Variants in USP34 observed in about 807,000 individuals in gnomAD.
The protein encoded by USP34 is ubiquitin carboxyl-terminal hydrolase 34.
USP34 carries 70 observed loss-of-function variants against 460.3 expected under a neutral mutation model. That is an observed-to-expected ratio of 0.15 (90% CI 0.13 to 0.19). The LOEUF is 0.19. Among genes scored for constraint, USP34 ranks in the 10% least tolerant of loss-of-function variants. USP34 has a pLI of 1.00. For missense variants in USP34, 3,985 were observed against 4,236.2 expected (o/e 0.94, Z 1.65); for synonymous variants, 1,647 against 1,405.3 (o/e 1.17, Z -3.85).
chr2:61,470,776 G>C lies in USP34; in HGVS notation c.-84C>G. On this transcript the variant is annotated 5_prime_UTR_variant, in exon 1 of 80. Coordinates refer to ENST00000398571, the MANE Select transcript of USP34 (RefSeq NM_014709.4). ...GCGGGGGGGAGGGGAGAGAGGCGGAGGAGGGGGCCGGCCGGCCGGCGGGGC... is the reference window on the plus strand; with the variant it reads ...GCGGGGGGGAGGGGAGAGAGGCGGACGAGGGGGCCGGCCGGCCGGCGGGGC... The C allele has an allele frequency of 1.6e-6, 2 of 1,260,982 alleles. No individual in the cohort carries two copies. The highest frequency in any genetic ancestry group is 2.2e-6 in the Non-Finnish European group (2 of 896,544). 78.1% of individuals were successfully genotyped at this position (1,260,982 alleles called of 1,614,324 possible).
At chr2:61,378,723 A>G (rs936307612) in intron 7 of USP34, among the ~76,000 whole-genome samples, 2 of 151,768 alleles carry the variant, frequency 1.3e-5, no homozygotes, top group Admixed American at 6.6e-5. Flanking sequence ...CCTTACCAAC[A>G]CAGTAAATCT....
Position 61,348,087 on chromosome 2 carries a change from G to T in USP34, c.2068C>A (p.Arg690=). 1 of 1,614,142 alleles carries T rather than the reference G, an allele frequency of 6.2e-7. No individual in the cohort carries two copies. Among genetic ancestry groups the T allele is most frequent in the Non-Finnish European group, 8.5e-7 (1 of 1,180,016 alleles). ...ESLPSVDNRM[R]MLDACSHSED... is the part of the protein sequence containing the mutation. ...GAGTGTGAACAAGCATCCAGCATTC[G>T]CATTCGATTATCTACTGATGGCAAT... Residue 690 remains arginine (R), a synonymous_variant, in exon 15 of 80, where the codon CGA becomes AGA. Transcript: ENST00000398571.
intron 76 of USP34, 188 bp from the exon 77 acceptor site, chr2:61,190,846 G>T: frequency 1.7e-6 from 1 of 597,590 alleles, no homozygotes; most frequent in Non-Finnish European, 2.7e-6. Context: ...TTTTCATACA[G>T]TAAAATGTTA....
chr2:61,380,784 G>T (rs1692945545), intron 6 of USP34, among the ~76,000 whole-genome samples: 1 of 152,138 alleles, frequency 6.6e-6, no homozygotes, highest in African/African-American at 2.4e-5. Context: ...TCTCTTGCTG[G>T]GAACTCTAAT....
intron 10 of USP34, among the ~76,000 whole-genome samples, chr2:61,364,692 G>A (rs1289916147): frequency 6.6e-6 from 1 of 152,138 alleles, no homozygotes; most frequent in African/African-American, 2.4e-5. Context: ...ACTTTGGGAG[G>A]TCGAGACAGG....
chr2:61,352,335 T>C (rs1204751164), intron 10 of USP34, among the ~76,000 whole-genome samples: 1 of 151,860 alleles, frequency 6.6e-6, no homozygotes, highest in African/African-American at 2.4e-5. Flanking sequence ...ATGTATATAC[T>C]AAACTATACA....
At chr2:61,394,732 A>G in intron 5 of USP34, 121 bp downstream of exon 5, 1 of 737,818 alleles carries the variant, frequency 1.4e-6, no homozygotes, top group Non-Finnish European at 2.0e-6. Context: ...CATTTTGTCA[A>G]AATAAAAAAA....
chr2:61,229,706 C>T, intron 58 of USP34, 73 bp from the exon 59 acceptor site: 2 of 1,305,766 alleles, frequency 1.5e-6, no homozygotes, highest in South Asian at 1.3e-5. Context: ...TAACATGATT[C>T]AAAATTCTCT....
At chr2:61,381,285 C>A (rs778151) in intron 6 of USP34, among the ~76,000 whole-genome samples, 75,171 of 148,250 alleles carry the variant, frequency 0.51, 19,138 homozygotes, top group South Asian at 0.72. Context: ...CACACACACA[C>A]AAAACTACCT....
At chr2:61,264,363 G>C (rs1383202889) in intron 43 of USP34, among the ~76,000 whole-genome samples, 1 of 152,148 alleles carries the variant, frequency 6.6e-6, no homozygotes, top group Non-Finnish European at 1.5e-5. Context: ...GGCCAGGCTT[G>C]GTAGCTTTAT....
chr2:61,306,525 T>C (rs1458390677), intron 27 of USP34, among the ~76,000 whole-genome samples: 1 of 152,216 alleles, frequency 6.6e-6, no homozygotes. Context: ...CTTTGTTCTT[T>C]TGGCTTAGGA....
At chr2:61,418,247 T>C (rs1250731995) in intron 2 of USP34, among the ~76,000 whole-genome samples, 1 of 151,860 alleles carries the variant, frequency 6.6e-6, no homozygotes, top group Non-Finnish European at 1.5e-5. Flanking sequence ...GCCTGGCTAA[T>C]TTTTGTATTT....
intron 43 of USP34, among the ~76,000 whole-genome samples, chr2:61,262,112 A>T (rs372179245): frequency 0.015 from 1,207 of 81,790 alleles, 9 homozygotes; most frequent in South Asian, 0.057. Flanking sequence ...AAAAAAAAAA[A>T]AAAAATATAT....
intron 1 of USP34, among the ~76,000 whole-genome samples, chr2:61,441,115 G>A (rs1351275235): frequency 6.7e-6 from 1 of 149,350 alleles, no homozygotes; most frequent in Non-Finnish European, 1.5e-5. Flanking sequence ...ACAACTGAGT[G>A]AGAGCCGCCT....
intron 1 of USP34, among the ~76,000 whole-genome samples, chr2:61,448,989 AC>A (rs1473482900): frequency 6.6e-6 from 1 of 152,102 alleles, no homozygotes; most frequent in Non-Finnish European, 1.5e-5. Flanking sequence ...ACCTGTCTCT[AC>A]TAAAAATATA....
chr2:61,378,765 G>C (rs1277015450), intron 7 of USP34, among the ~76,000 whole-genome samples: 1 of 151,720 alleles, frequency 6.6e-6, no homozygotes, highest in Non-Finnish European at 1.5e-5. Context: ...AATTAGCTGG[G>C]TATGGTGGCA....
intron 62 of USP34, 40 bp downstream of exon 62, chr2:61,227,027 C>A: frequency 4.5e-6 from 7 of 1,544,272 alleles, no homozygotes; most frequent in African/African-American, 1.4e-5. Context: ...AATAATAAAA[C>A]CAAACATGCT....
intron 1 of USP34, among the ~76,000 whole-genome samples, chr2:61,465,934 G>A (rs952661556): frequency 1.1e-4 from 17 of 151,866 alleles, no homozygotes; most frequent in East Asian, 1.9e-4. Context: ...CAGAGATGGC[G>A]CCACTGCACT....
chr2:61,306,884 A>G (rs1310053858), intron 27 of USP34, among the ~76,000 whole-genome samples: 1 of 152,182 alleles, frequency 6.6e-6, no homozygotes, highest in East Asian at 1.9e-4. Context: ...AAACTAGTTC[A>G]ACCATTGTGG....
Sources: allele counts gnomAD v4.1 joint callset (sites outside exome capture counted in the v4.1 genomes callset), GRCh38; gene constraint gnomAD v4.1.1; transcripts MANE v1.5; gene names NCBI Gene and HGNC (gene_info 2026-07-23, HGNC 2026-07-21).